The following IPCEF1 variants were observed in gnomAD, a reference collection of about 807,000 sequenced individuals.
The protein encoded by IPCEF1 is interaction protein for cytohesin exchange factors 1, also known as interactor protein for cytohesin exchange factors 1.
A neutral mutation model predicts 50.9 loss-of-function variants in IPCEF1; 31 were observed. The ratio of observed to expected loss-of-function variants is 0.61; its 90% CI spans 0.46 to 0.82. The LOEUF (loss-of-function observed/expected upper bound fraction) is 0.82. Among genes scored for constraint, IPCEF1 ranks in the 40% least tolerant of loss-of-function variants. IPCEF1 has a pLI of 0.00. For synonymous variants in IPCEF1, 181 were observed against 192.0 expected (o/e 0.94, Z 0.47); for missense variants, 458 against 514.0 (o/e 0.89, Z 1.05).
intron 11 of IPCEF1, 88 bp from the exon 12 acceptor site, chr6:154,160,128 A>T: frequency 1.0e-6 from 1 of 977,798 alleles, no homozygotes. Flanking sequence ...TTACAAGTAC[A>T]CATATACATA....
Position 154,292,909 on chromosome 6 carries a change from A to G in IPCEF1, c.-61-3153T>C, listed in dbSNP as rs552115909. ...TGCCTTTGCTTTGGTGCAACTAATG[A>G]TATACCAGCTCTTTCTTTCTCCCCA... On this transcript the variant is annotated intron_variant, in intron 1 of 11. Coordinates refer to ENST00000367220, the MANE Select transcript of IPCEF1 (RefSeq NM_001130700.2). 7.2e-5 allele frequency among the ~76,000 whole-genome samples: 11 copies of G among 152,306 alleles called. No individual in the cohort carries two copies. The South Asian group carries it at 2.1e-3, about 29-fold the overall frequency.
intron 1 of IPCEF1, among the ~76,000 whole-genome samples, chr6:154,330,410 C>G (rs147616028): frequency 4.2e-4 from 58 of 139,018 alleles, no homozygotes; most frequent in African/African-American, 1.4e-3. Flanking sequence ...TCATAGCTCA[C>G]TATATAGCCT....
intron 5 of IPCEF1, among the ~76,000 whole-genome samples, chr6:154,237,475 C>T (rs1398681658): frequency 6.6e-6 from 1 of 152,226 alleles, no homozygotes; most frequent in African/African-American, 2.4e-5. Context: ...CACAATTCTC[C>T]TGCATCCTAA....
At chr6:154,262,919 G>A (rs1298417319) in intron 3 of IPCEF1, among the ~76,000 whole-genome samples, 1 of 151,808 alleles carries the variant, frequency 6.6e-6, no homozygotes, top group East Asian at 1.9e-4. Context: ...TGGGACTACA[G>A]GTATGCGCCA....
At chr6:154,226,086 G>A (rs1394812699) in intron 5 of IPCEF1, among the ~76,000 whole-genome samples, 1 of 152,048 alleles carries the variant, frequency 6.6e-6, no homozygotes, top group African/African-American at 2.4e-5. Context: ...TTGTTCTCCT[G>A]TCTGTTTCTT....
chr6:154,227,158 C>T (rs1247173204), intron 5 of IPCEF1, among the ~76,000 whole-genome samples: 3 of 151,890 alleles, frequency 2.0e-5, no homozygotes, highest in African/African-American at 4.8e-5. Context: ...GAGCCAAGAC[C>T]GCACCACTGC....
intron 10 of IPCEF1, among the ~76,000 whole-genome samples, chr6:154,191,011 G>C (rs774627052): frequency 1.3e-5 from 2 of 151,882 alleles, no homozygotes; most frequent in African/African-American, 4.8e-5. Context: ...AGCCGAGATC[G>C]CGCCACTGCA....
intron 11 of IPCEF1, among the ~76,000 whole-genome samples, chr6:154,163,178 C>T (rs1799161858): frequency 6.6e-6 from 1 of 152,208 alleles, no homozygotes; most frequent in Non-Finnish European, 1.5e-5. Flanking sequence ...ATGAGATCCT[C>T]AATGGCTCGA....
At chr6:154,228,165 T>C (rs903446273) in intron 5 of IPCEF1, among the ~76,000 whole-genome samples, 2 of 151,990 alleles carry the variant, frequency 1.3e-5, no homozygotes, top group African/African-American at 2.4e-5. Context: ...CCTAACTTTC[T>C]AAAAAGTTTC....
chr6:154,313,890 T>G (rs1379502344), intron 1 of IPCEF1, among the ~76,000 whole-genome samples: 1 of 152,012 alleles, frequency 6.6e-6, no homozygotes, highest in Non-Finnish European at 1.5e-5. Flanking sequence ...ACTACAGGTG[T>G]GTGCCACCAC....
intron 1 of IPCEF1, among the ~76,000 whole-genome samples, chr6:154,304,868 C>T (rs892308129): frequency 1.3e-5 from 2 of 152,184 alleles, no homozygotes; most frequent in Non-Finnish European, 2.9e-5. Context: ...AATCCCAGCA[C>T]TTTGGGAGGC....
intron 5 of IPCEF1, among the ~76,000 whole-genome samples, chr6:154,229,842 T>C (rs938874587): frequency 2.0e-5 from 3 of 152,306 alleles, no homozygotes; most frequent in African/African-American, 7.2e-5. Context: ...AGCTACTAAA[T>C]AGAATATGAC....
intron 2 of IPCEF1, among the ~76,000 whole-genome samples, chr6:154,286,620 A>G (rs1782366523): frequency 1.3e-5 from 2 of 152,212 alleles, no homozygotes; most frequent in Admixed American, 1.3e-4. Context: ...ATGTGTGTAG[A>G]AAGACCTGCA....
chr6:154,249,189 T>G (rs984133616), intron 3 of IPCEF1, among the ~76,000 whole-genome samples: 2 of 152,318 alleles, frequency 1.3e-5, no homozygotes, highest in East Asian at 1.9e-4. Flanking sequence ...GGACCTAGTC[T>G]CAGCCTCACT....
intron 3 of IPCEF1, among the ~76,000 whole-genome samples, chr6:154,250,831 T>C (rs1166978226): frequency 6.6e-6 from 1 of 152,258 alleles, no homozygotes; most frequent in African/African-American, 2.4e-5. Context: ...AAATGGGCTC[T>C]CTGGTTGCAG....
intron 1 of IPCEF1, among the ~76,000 whole-genome samples, chr6:154,342,744 G>C (rs994301350): frequency 3.3e-5 from 5 of 152,166 alleles, no homozygotes; most frequent in Non-Finnish European, 5.9e-5. Flanking sequence ...TTACGGGCAT[G>C]AGCCACTGCG....
intron 1 of IPCEF1, among the ~76,000 whole-genome samples, chr6:154,325,651 C>G (rs1783500327): frequency 6.6e-6 from 1 of 152,220 alleles, no homozygotes; most frequent in Admixed American, 6.5e-5. Flanking sequence ...GTCCTCACAG[C>G]TCTAACATGC....
intron 1 of IPCEF1, among the ~76,000 whole-genome samples, chr6:154,302,803 G>A (rs1394079074): frequency 1.3e-5 from 2 of 152,078 alleles, no homozygotes; most frequent in Non-Finnish European, 1.5e-5. Flanking sequence ...TCTGAAAAGT[G>A]ACTATAACTT....
intron 2 of IPCEF1, among the ~76,000 whole-genome samples, chr6:154,281,030 C>A (rs745912728): frequency 2.0e-4 from 30 of 151,598 alleles, no homozygotes; most frequent in Non-Finnish European, 3.4e-4. Flanking sequence ...TGAGAATCCC[C>A]ATCTCAACAA....
Sources: gnomAD v4.1 joint callset for allele counts (sites outside exome capture counted in the v4.1 genomes callset) on GRCh38, gnomAD v4.1.1 for gene constraint, MANE v1.5 for transcripts, NCBI Gene and HGNC (gene_info 2026-07-23, HGNC 2026-07-21) for gene names.